Variants in CPQ observed in about 807,000 individuals in gnomAD.
CPQ encodes Ser-Met dipeptidase.
A neutral mutation model predicts 45.7 loss-of-function variants in CPQ; 37 were observed. The ratio of observed to expected loss-of-function variants is 0.81; its 90% CI spans 0.62 to 1.07. The LOEUF (loss-of-function observed/expected upper bound fraction) is 1.07. Among genes scored for constraint, CPQ ranks in the 50% least tolerant of loss-of-function variants. CPQ has a pLI of 0.00. For synonymous variants in CPQ, 186 were observed against 205.8 expected, an observed-to-expected ratio of 0.90 and a Z score of 0.82; for missense variants, 537 against 572.9, an observed-to-expected ratio of 0.94 and a Z score of 0.64.
chr8:97,085,770 C>T (rs75032707), intron 7 of CPQ, among the ~76,000 whole-genome samples: 15 of 152,164 alleles, frequency 9.9e-5, no homozygotes, highest in East Asian at 9.7e-4. Context: ...AGTTGTTTAA[C>T]GGCTGAAAGA....
chr8:96,686,982 A>G (rs1809238011), intron 1 of CPQ, among the ~76,000 whole-genome samples: 1 of 151,512 alleles, frequency 6.6e-6, no homozygotes, highest in Admixed American at 6.6e-5. Flanking sequence ...GAGTCTTTTA[A>G]TTTTTTTTGT....
chr8:96,951,634 T>A (rs1480517977), intron 4 of CPQ, among the ~76,000 whole-genome samples: 1 of 152,142 alleles, frequency 6.6e-6, no homozygotes, highest in African/African-American at 2.4e-5. Context: ...GGTGTATGGA[T>A]GTTTTTAAGT....
At chr8:96,705,557 G>A (rs1809521522) in intron 1 of CPQ, among the ~76,000 whole-genome samples, 1 of 152,222 alleles carries the variant, frequency 6.6e-6, no homozygotes, top group East Asian at 1.9e-4. Context: ...TGCATCTGTG[G>A]TTTCTTTGCA....
intron 1 of CPQ, among the ~76,000 whole-genome samples, chr8:96,716,272 G>T (rs766607369): frequency 7.2e-4 from 110 of 151,748 alleles, no homozygotes; most frequent in Non-Finnish European, 8.1e-4. Flanking sequence ...TGGATTTTTT[G>T]TTGTTGTTGT....
chr8:97,143,122 C>T lies in CPQ; in HGVS notation c.1358C>T (p.Ala453Val). ...CCAAAGCAGATGAATGTTGCTGCTGCTGTTTGGGCTGTTGTTTCTTATGTT... is the reference window on the plus strand; with the variant it reads ...CCAAAGCAGATGAATGTTGCTGCTGTTGTTTGGGCTGTTGTTTCTTATGTT... ...MDPKQMNVAAAVWAVVSYVVA... is the reference protein window; with the variant it reads ...MDPKQMNVAAVVWAVVSYVVA... Residue 453 changes from alanine to valine, a missense_variant, in exon 8 of 8, where the codon GCT (alanine) becomes GTT (valine). Physicochemically the swap from Ala to Val is moderately conservative, Grantham distance 64 (BLOSUM62 0). Coordinates refer to ENST00000220763, the MANE Select transcript of CPQ (RefSeq NM_016134.4). 6.2e-7 allele frequency: 1 copy of T among 1,613,968 alleles called. No homozygotes were observed. Among genetic ancestry groups the T allele is most frequent in the Non-Finnish European group, 8.5e-7 (1 of 1,179,894 alleles).
chr8:96,957,887 G>T (rs562367093), intron 4 of CPQ, among the ~76,000 whole-genome samples: 3 of 150,856 alleles, frequency 2.0e-5, no homozygotes, highest in African/African-American at 7.3e-5. Context: ...ATACTGGAGT[G>T]TAGTGGTGTG....
At chr8:97,014,390 C>T (rs1809542891) in intron 5 of CPQ, among the ~76,000 whole-genome samples, 1 of 152,086 alleles carries the variant, frequency 6.6e-6, no homozygotes, top group Non-Finnish European at 1.5e-5. Context: ...GTGGCTCACA[C>T]CTGTAATCCC....
At chr8:97,087,033 CA>C (rs1376177163) in intron 7 of CPQ, among the ~76,000 whole-genome samples, 1 of 152,164 alleles carries the variant, frequency 6.6e-6, no homozygotes, top group African/African-American at 2.4e-5. Context: ...CATTATTTGA[CA>C]ATTAGTCAAG....
intron 4 of CPQ, among the ~76,000 whole-genome samples, chr8:96,964,944 T>C (rs147629140): frequency 2.5e-3 from 388 of 152,308 alleles, no homozygotes; most frequent in Non-Finnish European, 4.6e-3. Flanking sequence ...TATAACTTGT[T>C]TGAAATGTGT....
intron 6 of CPQ, among the ~76,000 whole-genome samples, chr8:97,062,095 C>T (rs1810560565): frequency 6.6e-6 from 1 of 152,162 alleles, no homozygotes; most frequent in African/African-American, 2.4e-5. Flanking sequence ...TGTGAAGTCC[C>T]CTGTCCCTAG....
chr8:97,029,101 G>A (rs1396085558), intron 5 of CPQ, among the ~76,000 whole-genome samples: 3 of 152,142 alleles, frequency 2.0e-5, no homozygotes, highest in Admixed American at 1.3e-4. Context: ...CACTGATCTT[G>A]GCCATCCATT....
At chr8:97,018,067 G>T (rs919613261) in intron 5 of CPQ, among the ~76,000 whole-genome samples, 6 of 152,170 alleles carry the variant, frequency 3.9e-5, no homozygotes, top group Non-Finnish European at 7.4e-5. Context: ...ACAGGACTCT[G>T]TGCAGATGAC....
intron 4 of CPQ, among the ~76,000 whole-genome samples, chr8:96,962,605 T>G (rs1018684805): frequency 6.6e-6 from 1 of 152,242 alleles, no homozygotes; most frequent in African/African-American, 2.4e-5. Flanking sequence ...TTATTATAAC[T>G]AATGTTCTTT....
intron 7 of CPQ, among the ~76,000 whole-genome samples, chr8:97,138,786 T>C (rs1421127881): frequency 6.6e-5 from 10 of 152,142 alleles, no homozygotes; most frequent in Non-Finnish European, 1.5e-4. Flanking sequence ...GTGTACTTTA[T>C]AAGATATTGA....
At chr8:96,813,917 T>C (rs1811190805) in intron 2 of CPQ, among the ~76,000 whole-genome samples, 2 of 152,116 alleles carry the variant, frequency 1.3e-5, no homozygotes, top group Non-Finnish European at 2.9e-5. Context: ...TAGGCCTCAT[T>C]ATGGTACATA....
At chr8:96,686,070 C>T (rs1368172126) in intron 1 of CPQ, among the ~76,000 whole-genome samples, 3 of 152,122 alleles carry the variant, frequency 2.0e-5, no homozygotes, top group Non-Finnish European at 4.4e-5. Flanking sequence ...TATTCATTCA[C>T]TTAACTGAAT....
intron 1 of CPQ, among the ~76,000 whole-genome samples, chr8:96,728,409 A>T (rs917272487): frequency 2.0e-5 from 3 of 151,966 alleles, no homozygotes; most frequent in Non-Finnish European, 4.4e-5. Flanking sequence ...ACTTCACTGG[A>T]TGCTGGATTT....
intron 2 of CPQ, among the ~76,000 whole-genome samples, chr8:96,822,272 A>G (rs919511120): frequency 3.0e-4 from 45 of 152,122 alleles, no homozygotes; most frequent in African/African-American, 1.1e-3. Context: ...CATTGTGCCT[A>G]TATACCACAT....
At chr8:96,658,333 G>T (rs543664958) in intron 1 of CPQ, among the ~76,000 whole-genome samples, 2 of 152,310 alleles carry the variant, frequency 1.3e-5, no homozygotes, top group South Asian at 4.1e-4. Context: ...TTAAGAACAT[G>T]GGCTTTGAAG....
Sources: gnomAD v4.1 joint callset for allele counts (sites outside exome capture counted in the v4.1 genomes callset) on GRCh38, gnomAD v4.1.1 for gene constraint, MANE v1.5 for transcripts, NCBI Gene and HGNC (gene_info 2026-07-23, HGNC 2026-07-21) for gene names.